Variants in KIRREL3 observed in about 807,000 individuals in gnomAD.
KIRREL3 encodes kirre like nephrin family adhesion molecule 3.
Under a neutral mutation model 89.7 loss-of-function variants are expected in KIRREL3, and 36 were observed. The ratio of observed to expected loss-of-function variants is 0.40; its 90% confidence interval spans 0.31 to 0.53. KIRREL3 has a LOEUF of 0.53. KIRREL3 is among the 20% of genes least tolerant of loss of function. The probability of loss-of-function intolerance (pLI) is 0.49; values close to 1 mark genes in which losing one functional copy is unlikely to be tolerated. For missense variants in KIRREL3, 864 were observed against 1,056.6 expected (o/e 0.82, Z 2.53); for synonymous variants, 445 against 441.4 (o/e 1.01, Z -0.10).
chr11:126,845,534 GA>G, intron 1 of KIRREL3, among the ~76,000 whole-genome samples: 2 of 152,224 alleles, frequency 1.3e-5, no homozygotes, highest in Middle Eastern at 6.8e-3. Flanking sequence ...GAGGGCCTAG[GA>G]CCCCAAAAAC....
rs1442189016 is a variant in KIRREL3, at chr11:126,708,710, G to GA, written c.56-145799_56-145798insT. On this transcript the variant is annotated intron_variant, in intron 1 of 16. Coordinates refer to ENST00000525144, the MANE Select transcript of KIRREL3 (RefSeq NM_032531.4). This position sits in a 1 kb window ranked among gnomAD's most constrained non-coding sequence, Gnocchi z 5.7. ...CCGGGACCTCCTCTCCCATTTCTCC[G>GA]GGGCCTCCAGGGCCCTCCCGCACAT... 6.6e-6 allele frequency among the ~76,000 whole-genome samples: 1 copy of GA among 152,092 alleles called. No individual in the cohort carries two copies. Among genetic ancestry groups the GA allele is most frequent in the African/African-American group, 2.4e-5 (1 of 41,416 alleles).
rs575594564 is a variant in KIRREL3 at position 126,443,626 on chromosome 11, G to A, written c.1252+1353C>T. Among the ~76,000 whole-genome samples, 105 of 152,232 alleles carry A rather than the reference G, an allele frequency of 6.9e-4. 3 individuals are homozygous for A. The South Asian group carries it at 0.022, about 31-fold the overall frequency. On this transcript the variant is annotated intron_variant, in intron 10 of 16. Transcript: ENST00000525144. This position sits in a 1 kb window ranked among gnomAD's most constrained non-coding sequence, Gnocchi z 7.3. ...ATGCGGGGCAGTGTGGGGGGAGCTG[G>A]TGAATGGAGACAGTAGAGAGGTATG...
rs1949837872 is a variant in KIRREL3 at position 126,766,784 on chromosome 11, C to A, written c.56-203872G>T. Among the ~76,000 whole-genome samples, 1 of 152,134 alleles carries A rather than the reference C, an allele frequency of 6.6e-6. No individual in the cohort carries two copies. The highest frequency in any genetic ancestry group is 6.5e-5 in the Admixed American group (1 of 15,276). On this transcript the variant is annotated intron_variant, in intron 1 of 16. Coordinates refer to ENST00000525144, the MANE Select transcript of KIRREL3 (RefSeq NM_032531.4). This position sits in a 1 kb window ranked among gnomAD's most constrained non-coding sequence, Gnocchi z 4.2. ...CTTTCTGACTGGGGATCATAAAGTG[C>A]TGTTGATAATTGTGATAGTTAAAGT...
intron 1 of KIRREL3, among the ~76,000 whole-genome samples, chr11:126,885,799 C>G (rs1350021183): frequency 6.6e-6 from 1 of 152,118 alleles, no homozygotes; most frequent in African/African-American, 2.4e-5. Flanking sequence ...CTGTCTAATT[C>G]TAGGGTACTT....
chr11:126,732,094 C>T (rs974298463), intron 1 of KIRREL3, among the ~76,000 whole-genome samples: 2 of 152,204 alleles, frequency 1.3e-5, no homozygotes, highest in African/African-American at 2.4e-5. Context: ...ATTAATCTCA[C>T]CTCCTTGCTG....
At position 126,924,623 on chromosome 11, in the gene KIRREL3, C is replaced by A. The variant is rs369007620; in HGVS notation, c.55+75832G>T. Among the ~76,000 whole-genome samples the A allele has an allele frequency of 6.6e-6, 1 of 152,116 alleles. No homozygotes were observed. Among genetic ancestry groups the A allele is most frequent in the Admixed American group, 6.5e-5 (1 of 15,278 alleles). On this transcript the variant is annotated intron_variant, in intron 1 of 16. Transcript: ENST00000525144. The surrounding 1 kb of genome is among the most constrained non-coding windows in gnomAD (Gnocchi z 4.7). Reference sequence around the variant, plus strand: ...GAGTAGTCTTGATTTAAAGGCAGGGCTGTTGGGGGATTTGGAAGAAGTGTT... The same window carrying A: ...GAGTAGTCTTGATTTAAAGGCAGGGATGTTGGGGGATTTGGAAGAAGTGTT...
chr11:126,569,200 C>G lies in KIRREL3; in HGVS notation c.56-6288G>C, dbSNP rs1304729786. On this transcript the variant is annotated intron_variant, in intron 1 of 16. Coordinates refer to ENST00000525144, the MANE Select transcript of KIRREL3 (RefSeq NM_032531.4). The surrounding 1 kb of genome is among the most constrained non-coding windows in gnomAD (Gnocchi z 6.5). The stretch of plus-strand genomic sequence containing the variant: ...CAGAGTAGGGTGATGACAAAGGAAG[C>G]CTATTAAGTCACAGGTGATAATGGT... 6.6e-6 allele frequency among the ~76,000 whole-genome samples: 1 copy of G among 152,094 alleles called. No individual in the cohort carries two copies. Among genetic ancestry groups the G allele is most frequent in the East Asian group, 1.9e-4 (1 of 5,198 alleles).
intron 7 of KIRREL3, among the ~76,000 whole-genome samples, chr11:126,453,898 C>T (rs1423819792): frequency 6.6e-6 from 1 of 152,180 alleles, no homozygotes; most frequent in Non-Finnish European, 1.5e-5. Flanking sequence ...CTCCCAGCTC[C>T]TGCTTGGTAT....
At chr11:126,547,361 G>A (rs533124960) in intron 2 of KIRREL3, among the ~76,000 whole-genome samples, 2 of 152,284 alleles carry the variant, frequency 1.3e-5, no homozygotes, top group East Asian at 1.9e-4. Flanking sequence ...ATTTTGTTAG[G>A]TCTCATGTAG....
chr11:126,929,032 T>C (rs983803734), intron 1 of KIRREL3, among the ~76,000 whole-genome samples: 1 of 151,184 alleles, frequency 6.6e-6, no homozygotes, highest in African/African-American at 2.4e-5. Flanking sequence ...AAGACAGAGG[T>C]CAAGTTCAGA....
chr11:126,649,084 C>T (rs768833374), intron 1 of KIRREL3, among the ~76,000 whole-genome samples: 31 of 152,130 alleles, frequency 2.0e-4, no homozygotes, highest in Non-Finnish European at 1.8e-4. Flanking sequence ...AAAGTGAAAA[C>T]GCCTGATATA....
chr11:126,601,487 GTTA>G lies in KIRREL3; in HGVS notation c.56-38578_56-38576del, dbSNP rs1302153201. Reference sequence around the variant, plus strand: ...ATGAACTTCCCGTGCTCAATCAAACGTTATTATCCCAATGTAAGTCAATTTACC... The same window carrying G: ...ATGAACTTCCCGTGCTCAATCAAACGTTATCCCAATGTAAGTCAATTTACC... On this transcript the variant is annotated intron_variant, in intron 1 of 16. Transcript: ENST00000525144. The surrounding 1 kb of genome is among the most constrained non-coding windows in gnomAD (Gnocchi z 5.8). Among the ~76,000 whole-genome samples, 1 of 152,200 alleles carries G rather than the reference GTTA, an allele frequency of 6.6e-6. No individual in the cohort carries two copies. Among genetic ancestry groups the G allele is most frequent in the Non-Finnish European group, 1.5e-5 (1 of 68,042 alleles).
chr11:126,760,019 A>C (rs1949620245), intron 1 of KIRREL3, among the ~76,000 whole-genome samples: 1 of 152,192 alleles, frequency 6.6e-6, no homozygotes, highest in Non-Finnish European at 1.5e-5. Context: ...GACCTCTGAG[A>C]TTGCCCAGGC....
rs548404679 is a variant in KIRREL3, at chr11:126,612,071, C to T, written c.56-49159G>A. Among the ~76,000 whole-genome samples the T allele has an allele frequency of 4.6e-5, 7 of 152,302 alleles. No individual in the cohort carries two copies. Among genetic ancestry groups the T allele is most frequent in the South Asian group, 4.1e-4 (2 of 4,826 alleles). On this transcript the variant is annotated intron_variant, in intron 1 of 16. Coordinates refer to ENST00000525144, the MANE Select transcript of KIRREL3 (RefSeq NM_032531.4). This position sits in a 1 kb window ranked among gnomAD's most constrained non-coding sequence, Gnocchi z 4.5. ...ACAACTCACGTCACTGATGGACTTA[C>T]GCAGTTGGGTGTGTATTTGGTAACC...
At position 126,879,580 on chromosome 11, in the gene KIRREL3, C is replaced by G. The variant is rs907308827; in HGVS notation, c.55+120875G>C. Reference sequence around the variant, plus strand: ...ACAGTGAGTTTCTTACCTTCATTTTCAAGTCCAGGCTATAATCTCTTCCAT... The same window carrying G: ...ACAGTGAGTTTCTTACCTTCATTTTGAAGTCCAGGCTATAATCTCTTCCAT... On this transcript the variant is annotated intron_variant, in intron 1 of 16. Coordinates refer to ENST00000525144, the MANE Select transcript of KIRREL3 (RefSeq NM_032531.4). This position sits in a 1 kb window ranked among gnomAD's most constrained non-coding sequence, Gnocchi z 5.4. 8.5e-5 allele frequency among the ~76,000 whole-genome samples: 13 copies of G among 152,198 alleles called. No individual in the cohort carries two copies. The highest frequency in any genetic ancestry group is 1.3e-4 in the Non-Finnish European group (9 of 68,030).
chr11:126,676,495 C>T lies in KIRREL3; in HGVS notation c.56-113583G>A, dbSNP rs1030566112. On this transcript the variant is annotated intron_variant, in intron 1 of 16. Coordinates refer to ENST00000525144, the MANE Select transcript of KIRREL3 (RefSeq NM_032531.4). This position sits in a 1 kb window ranked among gnomAD's most constrained non-coding sequence, Gnocchi z 4.5. Reference sequence around the variant, plus strand: ...TTGACCAGTGTTTCTCAAATTTGCACCTGCAGATGTTGTATTGTTTTGTTT... The same window carrying T: ...TTGACCAGTGTTTCTCAAATTTGCATCTGCAGATGTTGTATTGTTTTGTTT... Among the ~76,000 whole-genome samples the T allele has an allele frequency of 1.3e-5, 2 of 152,092 alleles. No homozygotes were observed. The highest frequency in any genetic ancestry group is 2.9e-5 in the Non-Finnish European group (2 of 68,012).
chr11:126,739,274 T>G lies in KIRREL3; in HGVS notation c.56-176362A>C, dbSNP rs184709560. 6.6e-6 allele frequency among the ~76,000 whole-genome samples: 1 copy of G among 152,376 alleles called. No homozygotes were observed. Among genetic ancestry groups the G allele is most frequent in the East Asian group, 1.9e-4 (1 of 5,188 alleles). ...GAGCATTAGGTGATACTTATAGTAT[T>G]AATTCGACTGCCTTTTGGCATGGTT... On this transcript the variant is annotated intron_variant, in intron 1 of 16. Coordinates refer to ENST00000525144, the MANE Select transcript of KIRREL3 (RefSeq NM_032531.4). This position sits in a 1 kb window ranked among gnomAD's most constrained non-coding sequence, Gnocchi z 5.5.
intron 1 of KIRREL3, among the ~76,000 whole-genome samples, chr11:126,774,106 T>G (rs1431859491): frequency 2.0e-5 from 3 of 151,486 alleles, no homozygotes; most frequent in African/African-American, 7.3e-5. Context: ...TGTTGGATAC[T>G]TGCATGTAGG....
Position 126,479,113 on chromosome 11 carries a change from G to A in KIRREL3, c.434-5647C>T, listed in dbSNP as rs11824982. On this transcript the variant is annotated intron_variant, in intron 4 of 16. Transcript: ENST00000525144. Reference sequence around the variant, plus strand: ...CACTTGGCTGAGTGGGGAGAAGGACGTTTGTGGGTTCTTTGATTTTGTTCT... The same window carrying A: ...CACTTGGCTGAGTGGGGAGAAGGACATTTGTGGGTTCTTTGATTTTGTTCT... Among the ~76,000 whole-genome samples the A allele has an allele frequency of 8.3e-3, 1,257 of 152,292 alleles. 21 individuals are homozygous for A. Among genetic ancestry groups the A allele is most frequent in the African/African-American group, 0.027 (1,111 of 41,556 alleles).
Sources: gnomAD v4.1 joint callset for allele counts (sites outside exome capture counted in the v4.1 genomes callset) on GRCh38, gnomAD v4.1.1 for gene constraint, Gnocchi (gnomAD v3.1) non-coding constraint, MANE v1.5 for transcripts, NCBI Gene and HGNC (gene_info 2026-07-23, HGNC 2026-07-21) for gene names.